ZNF385D: variants seen among roughly 807,000 people sequenced by gnomAD.
ZNF385D encodes zinc finger protein 659.
In ZNF385D, 15 loss-of-function variants were observed where a neutral mutation model predicts 35.8. That is an observed-to-expected ratio of 0.42 (90% CI 0.28 to 0.64). ZNF385D has a LOEUF of 0.64. ZNF385D is among the 30% of genes least tolerant of loss of function. The pLI is 0.23. For missense variants in ZNF385D, 474 were observed against 494.6 expected, an observed-to-expected ratio of 0.96 and a Z score of 0.39; for synonymous variants, 212 against 186.8, an observed-to-expected ratio of 1.13 and a Z score of -1.10.
rs2065468548 is a variant in ZNF385D at position 21,636,953 on chromosome 3, TTTG to T, written c.165+27930_165+27932del. ...CCCACTTTTTGGTGGAATTGTTTTTTTTGTTGTTGTTGTTAATTTGAGTTTCTT... is the reference window on the plus strand; with the variant it reads ...CCCACTTTTTGGTGGAATTGTTTTTTTTGTTGTTGTTAATTTGAGTTTCTT... On this transcript the variant is annotated intron_variant, in intron 2 of 7. Transcript: ENST00000281523. Among the ~76,000 whole-genome samples the T allele has an allele frequency of 3.3e-5, 5 of 152,172 alleles. No individual in the cohort carries two copies. In the South Asian group the frequency reaches 8.3e-4, roughly 25 times the overall value.
Position 22,330,358 on chromosome 3 carries a change from T to C in ZNF385D, c.106+42092A>G, listed in dbSNP as rs117263891. ...ACTGCTGAGGTTTGTCTTTTTTGTT[T>C]TTATTGTCTGTCTTAAAGGTAAAAA... On this transcript the variant is annotated intron_variant, in intron 2 of 5. Transcript: ENST00000494108. Among the ~76,000 whole-genome samples, 650 of 152,288 alleles carry C rather than the reference T, an allele frequency of 4.3e-3. 10 individuals carry two copies. The East Asian group carries it at 0.052, about 12-fold the overall frequency.
chr3:21,911,404 T>A (rs535559496), intron 3 of ZNF385D, among the ~76,000 whole-genome samples: 1 of 152,092 alleles, frequency 6.6e-6, no homozygotes, highest in South Asian at 2.1e-4. Flanking sequence ...GACAAGGTCA[T>A]GCTGGGGAGA....
At chr3:22,302,946 A>T (rs1203062511) in intron 2 of ZNF385D, among the ~76,000 whole-genome samples, 1 of 152,154 alleles carries the variant, frequency 6.6e-6, no homozygotes, top group Non-Finnish European at 1.5e-5. Context: ...TAGTTTCATA[A>T]GAGTTTTAAT....
At chr3:22,203,720 T>G (rs538087853) in intron 2 of ZNF385D, among the ~76,000 whole-genome samples, 2 of 152,038 alleles carry the variant, frequency 1.3e-5, no homozygotes, top group East Asian at 3.9e-4. Context: ...CCGGTGGTTG[T>G]GGTGGACATG....
chr3:21,721,964 G>T (rs999802998), intron 1 of ZNF385D, among the ~76,000 whole-genome samples: 6 of 152,112 alleles, frequency 3.9e-5, no homozygotes, highest in African/African-American at 1.4e-4. Context: ...ACTGGGCGTG[G>T]TGGCGTGTGC....
At chr3:22,183,523 A>G (rs995394752) in intron 2 of ZNF385D, among the ~76,000 whole-genome samples, 5 of 151,990 alleles carry the variant, frequency 3.3e-5, no homozygotes, top group African/African-American at 9.7e-5. Flanking sequence ...ATGCCCAGCT[A>G]ATTTTTGTAT....
chr3:22,192,773 A>G (rs1476492950), intron 2 of ZNF385D, among the ~76,000 whole-genome samples: 1 of 152,102 alleles, frequency 6.6e-6, no homozygotes, highest in African/African-American at 2.4e-5. Context: ...TCAAGACCCT[A>G]AGAAGATGGG....
chr3:21,442,117 T>TA (rs892714205), intron 4 of ZNF385D, among the ~76,000 whole-genome samples: 7 of 152,124 alleles, frequency 4.6e-5, no homozygotes, highest in Admixed American at 3.9e-4. Flanking sequence ...AATACTTCTT[T>TA]AAAAAAATCC....
At chr3:21,926,029 C>T (rs750781118) in intron 3 of ZNF385D, among the ~76,000 whole-genome samples, 4 of 151,964 alleles carry the variant, frequency 2.6e-5, no homozygotes, top group Non-Finnish European at 4.4e-5. Context: ...CGTGGATAGT[C>T]GGAATGTAAA....
chr3:22,279,165 A>T (rs1476853537), intron 2 of ZNF385D, among the ~76,000 whole-genome samples: 1 of 151,978 alleles, frequency 6.6e-6, no homozygotes, highest in Non-Finnish European at 1.5e-5. Flanking sequence ...TTACATGAAT[A>T]AGTTATTTAG....
intron 1 of ZNF385D, among the ~76,000 whole-genome samples, chr3:21,737,728 TGGGTCTAAAA>T (rs1316744204): frequency 2.0e-5 from 3 of 152,358 alleles, no homozygotes; most frequent in East Asian, 3.9e-4. Context: ...TCTCAGTTCC[TGGGTCTAAAA>T]GGGTCTAAAA....
chr3:21,835,104 TG>T (rs1447673361), intron 3 of ZNF385D, among the ~76,000 whole-genome samples: 1 of 151,982 alleles, frequency 6.6e-6, no homozygotes, highest in Non-Finnish European at 1.5e-5. Context: ...TGACCCTAAA[TG>T]AACACACATT....
rs138270324 is a variant in ZNF385D at position 21,730,982 on chromosome 3, A to G, written c.22+19913T>C. Among the ~76,000 whole-genome samples the G allele has an allele frequency of 1.2e-3, 190 of 152,314 alleles. 2 individuals carry two copies. The highest frequency in any genetic ancestry group is 4.4e-3 in the African/African-American group (184 of 41,574). Reference sequence around the variant, plus strand: ...TTTGTGCTTTAAAAACTAACATTGCATTAATATCTTTAATGATATGTCTAA... The same window carrying G: ...TTTGTGCTTTAAAAACTAACATTGCGTTAATATCTTTAATGATATGTCTAA... On this transcript the variant is annotated intron_variant, in intron 1 of 7. Transcript: ENST00000281523.
At chr3:22,250,043 T>C (rs1223366053) in intron 2 of ZNF385D, among the ~76,000 whole-genome samples, 1 of 152,282 alleles carries the variant, frequency 6.6e-6, no homozygotes, top group Non-Finnish European at 1.5e-5. Flanking sequence ...ATATAGCACA[T>C]TGTAATGGAG....
At chr3:22,115,750 G>T (rs1702776260) in intron 3 of ZNF385D, among the ~76,000 whole-genome samples, 1 of 152,004 alleles carries the variant, frequency 6.6e-6, no homozygotes, top group South Asian at 2.1e-4. Flanking sequence ...AGAAAAATAT[G>T]TACAGCTTTA....
At chr3:22,101,797 ACTT>A (rs1701958695) in intron 3 of ZNF385D, among the ~76,000 whole-genome samples, 1 of 152,020 alleles carries the variant, frequency 6.6e-6, no homozygotes. Flanking sequence ...AGAATGGTAT[ACTT>A]CTTGGAAATC....
intron 2 of ZNF385D, among the ~76,000 whole-genome samples, chr3:21,606,434 T>C (rs981878005): frequency 5.9e-5 from 9 of 152,234 alleles, no homozygotes; most frequent in Admixed American, 5.2e-4. Flanking sequence ...AGAATGTATA[T>C]GAAATACTAT....
In ZNF385D at chr3:21,631,846, A is replaced by G. The variant is rs188284546; in HGVS notation, c.165+33040T>C. Among the ~76,000 whole-genome samples the G allele has an allele frequency of 7.2e-5, 11 of 152,196 alleles. No individual in the cohort carries two copies. The East Asian group carries it at 2.1e-3, about 29-fold the overall frequency. On this transcript the variant is annotated intron_variant, in intron 2 of 7. Transcript: ENST00000281523. ...CTCACCAGAACATTTTAGGGATGCA[A>G]TCTCGTCATGTTTTTAGGGATGCAA...
chr3:21,828,770 T>C (rs1244098903), intron 3 of ZNF385D, among the ~76,000 whole-genome samples: 1 of 150,430 alleles, frequency 6.6e-6, no homozygotes, highest in South Asian at 2.1e-4. Context: ...TTTACTGCAC[T>C]GAATTCAACG....
Sources: gnomAD v4.1 joint callset for allele counts (sites outside exome capture counted in the v4.1 genomes callset) on GRCh38, gnomAD v4.1.1 for gene constraint, MANE v1.5 for transcripts, NCBI Gene and HGNC (gene_info 2026-07-23, HGNC 2026-07-21) for gene names.